Variants in C12orf54 observed in about 807,000 individuals in gnomAD.
C12orf54 encodes the protein chromosome 12 open reading frame 54, also known as uncharacterized protein C12orf54.
Under a neutral mutation model 26.4 loss-of-function variants are expected in C12orf54, and 24 were observed. The ratio of observed to expected loss-of-function variants is 0.91; its 90% confidence interval spans 0.66 to 1.28. The LOEUF (loss-of-function observed/expected upper bound fraction) is 1.28. C12orf54 is among the 50% of genes most tolerant of loss of function. The pLI, the probability that C12orf54 is intolerant of heterozygous loss-of-function variation, is 0.00. For synonymous variants in C12orf54, 54 were observed against 47.0 expected (o/e 1.15, Z -0.61); for missense variants, 154 against 150.9 (o/e 1.02, Z -0.11).
At chr12:48,459,021 T>A in the C12orf54 span, among the ~76,000 whole-genome samples, 3 of 151,812 alleles carry the variant, frequency 2.0e-5, no homozygotes, top group Non-Finnish European at 4.4e-5. Context: ...CTGGCTTCCA[T>A]CTATCCTCCT....
intron 2 of C12orf54, among the ~76,000 whole-genome samples, chr12:48,485,077 T>TTTTA (rs1954243238): frequency 6.6e-6 from 1 of 152,048 alleles, no homozygotes; most frequent in Non-Finnish European, 1.5e-5. Flanking sequence ...TTTTATTTTA[T>TTTTA]TTTATTTATT....
At chr12:48,438,734 C>T in the C12orf54 span, among the ~76,000 whole-genome samples, 1 of 152,198 alleles carries the variant, frequency 6.6e-6, no homozygotes, top group Non-Finnish European at 1.5e-5. Context: ...CCCTTCCTTA[C>T]ATCTTATACA....
chr12:48,452,092 G>A, the C12orf54 span, among the ~76,000 whole-genome samples: 10 of 152,108 alleles, frequency 6.6e-5, no homozygotes, highest in South Asian at 2.1e-3. Context: ...CTATACTGCA[G>A]GGATACAGTA....
chr12:48,434,763 C>T, the C12orf54 span, among the ~76,000 whole-genome samples: 117 of 152,184 alleles, frequency 7.7e-4, no homozygotes, highest in Non-Finnish European at 1.6e-3. Context: ...CCCATCTGTT[C>T]GTCACCATCA....
the C12orf54 span, among the ~76,000 whole-genome samples, chr12:48,416,354 CT>C: frequency 6.6e-6 from 1 of 152,178 alleles, no homozygotes; most frequent in Admixed American, 6.5e-5. Context: ...GTCATACAGC[CT>C]TCTTTCTGTC....
At position 48,494,923 on chromosome 12, in the gene C12orf54, A is replaced by T. The variant is rs772043878; in HGVS notation, c.368A>T (p.Tyr123Phe). ...LKTQLFSQSA[Y>F]YPGP ...ACACAGCTCTTCAGTCAATCAGCTT[A>T]CTACCCTGGACCCTAACTCTACAAT... The change falls in exon 8 of 9, where the codon TAC (tyrosine) becomes TTC (phenylalanine). Residue 123 changes from tyrosine to phenylalanine, a missense_variant. Tyr to Phe is a conservative substitution (Grantham distance 22, BLOSUM62 3). Coordinates refer to ENST00000548364, the MANE Select transcript of C12orf54 (RefSeq NM_152319.4). 7.4e-6 allele frequency: 12 copies of T among 1,613,400 alleles called. No individual in the cohort carries two copies. The highest frequency in any genetic ancestry group is 1.7e-5 in the Admixed American group (1 of 60,014).
chr12:48,435,427 C>T, the C12orf54 span, among the ~76,000 whole-genome samples: 10 of 152,162 alleles, frequency 6.6e-5, no homozygotes, highest in Non-Finnish European at 1.5e-4. Context: ...AAAGATACTC[C>T]TTAAGAAGAG....
chr12:48,447,517 C>T, the C12orf54 span, among the ~76,000 whole-genome samples: 5 of 152,036 alleles, frequency 3.3e-5, no homozygotes, highest in Non-Finnish European at 7.4e-5. Flanking sequence ...CCAGACTTGC[C>T]CTTCCTTTGC....
the C12orf54 span, among the ~76,000 whole-genome samples, chr12:48,452,171 A>G: frequency 1.3e-5 from 2 of 152,178 alleles, no homozygotes; most frequent in African/African-American, 4.8e-5. Flanking sequence ...AGAACCCAGA[A>G]ATAAGACCAC....
chr12:48,429,254 G>A, the C12orf54 span, among the ~76,000 whole-genome samples: 1 of 152,054 alleles, frequency 6.6e-6, no homozygotes, highest in Non-Finnish European at 1.5e-5. Flanking sequence ...CTGAGAATGG[G>A]AACAAGACAA....
the C12orf54 span, among the ~76,000 whole-genome samples, chr12:48,461,114 A>G: frequency 1.1e-4 from 17 of 152,150 alleles, no homozygotes; most frequent in Middle Eastern, 3.4e-3. Context: ...ATAAAGTTGA[A>G]GTGACTTTAT....
the C12orf54 span, among the ~76,000 whole-genome samples, chr12:48,447,748 A>G: frequency 6.6e-6 from 1 of 152,182 alleles, no homozygotes; most frequent in Non-Finnish European, 1.5e-5. Flanking sequence ...ATGGCAAAAG[A>G]GATTTTGCAG....
chr12:48,462,499 A>T, the C12orf54 span, among the ~76,000 whole-genome samples: 12 of 151,784 alleles, frequency 7.9e-5, no homozygotes, highest in African/African-American at 2.9e-4. Flanking sequence ...ATAAAATTTT[A>T]TCAAGCAAAT....
intron 4 of C12orf54, 100 bp downstream of exon 4, chr12:48,486,826 T>G: frequency 1.0e-5 from 13 of 1,258,018 alleles, no homozygotes; most frequent in African/African-American, 3.0e-5. Context: ...TTGAGCGGTT[T>G]GTTGATTGAC....
intron 6 of C12orf54, among the ~76,000 whole-genome samples, chr12:48,491,480 G>T (rs1242002821): frequency 6.6e-6 from 1 of 152,146 alleles, no homozygotes; most frequent in African/African-American, 2.4e-5. Context: ...TACAGCACGT[G>T]GACAGGGATG....
chr12:48,435,173 G>A, the C12orf54 span, among the ~76,000 whole-genome samples: 2 of 152,164 alleles, frequency 1.3e-5, no homozygotes, highest in African/African-American at 4.8e-5. Context: ...GATAGAAGAT[G>A]AAATGAATGA....
chr12:48,428,112 C>A, the C12orf54 span, among the ~76,000 whole-genome samples: 2 of 152,114 alleles, frequency 1.3e-5, no homozygotes, highest in African/African-American at 4.8e-5. Context: ...TTTAAAAATT[C>A]TTCGAACTGA....
the C12orf54 span, among the ~76,000 whole-genome samples, chr12:48,433,722 C>A: frequency 6.6e-6 from 1 of 152,180 alleles, no homozygotes; most frequent in African/African-American, 2.4e-5. Context: ...ACTGGAATTA[C>A]AGGTGTGAGC....
the C12orf54 span, among the ~76,000 whole-genome samples, chr12:48,447,411 T>C: frequency 1.3e-5 from 2 of 152,150 alleles, no homozygotes; most frequent in African/African-American, 4.8e-5. Flanking sequence ...TCCAATTGAC[T>C]AATACAATAG....
Sources: gnomAD v4.1 joint callset for allele counts (sites outside exome capture counted in the v4.1 genomes callset) on GRCh38, gnomAD v4.1.1 for gene constraint, MANE v1.5 for transcripts, NCBI Gene and HGNC (gene_info 2026-07-23, HGNC 2026-07-21) for gene names.